RAB4A: variants seen among roughly 807,000 people sequenced by gnomAD.
RAB4A encodes the protein RAB4A, member RAS oncogene family.
In RAB4A, 20 loss-of-function variants were observed where a neutral mutation model predicts 34.5. That is an observed-to-expected ratio of 0.58 (90% CI 0.41 to 0.84). RAB4A has a LOEUF of 0.84. RAB4A is among the 40% of genes least tolerant of loss of function. RAB4A has a pLI of 0.00. For synonymous variants in RAB4A, 102 were observed against 100.0 expected (o/e 1.02, Z -0.12); for missense variants, 228 against 274.5 (o/e 0.83, Z 1.20).
Position 229,297,551 on chromosome 1 carries a change from G to T in RAB4A, c.360G>T (p.Val120=). The change falls in exon 5 of 8, where the codon GTG becomes GTT. Residue 120 remains valine, a synonymous_variant. Transcript: ENST00000366690. The part of the protein sequence containing the change: ...DARMLASQNI[V]IILCGNKKDL... ...GAATGCTAGCGAGCCAGAACATTGT[G>T]ATCATCCTTTGTGGAAACAAGAAGG... is the stretch of plus-strand genomic sequence containing the variant. The T allele has an allele frequency of 6.2e-7, 1 of 1,613,352 alleles. No homozygotes were observed. The highest frequency in any genetic ancestry group is 1.7e-5 in the Admixed American group (1 of 59,592).
At chr1:229,273,068 C>A (rs1385974851) in intron 1 of RAB4A, among the ~76,000 whole-genome samples, 2 of 152,156 alleles carry the variant, frequency 1.3e-5, no homozygotes, top group Admixed American at 1.3e-4. Context: ...CTCTTTAGCC[C>A]AGGCTTAGTT....
In RAB4A at chr1:229,304,770, C is replaced by G. The variant is rs893117015; in HGVS notation, c.*977C>G. 1.4e-4 allele frequency: 22 copies of G among 154,124 alleles called. No homozygotes were observed. Among genetic ancestry groups the G allele is most frequent in the African/African-American group, 5.3e-4 (22 of 41,642 alleles). 9.5% of individuals were successfully genotyped at this position (154,124 alleles called of 1,614,324 possible). ...CAGTTAATATTAAATGGACACCACT[C>G]ATTAAGAAATTTCTTTATGGCTTCT... is the stretch of plus-strand genomic sequence containing the variant. On this transcript the variant is annotated 3_prime_UTR_variant, in exon 8 of 8. Coordinates refer to ENST00000366690, the MANE Select transcript of RAB4A (RefSeq NM_004578.4).
intron 6 of RAB4A, 152 bp from the exon 7 acceptor site, chr1:229,302,710 G>A: frequency 3.7e-6 from 2 of 535,180 alleles, no homozygotes; most frequent in Non-Finnish European, 6.4e-6. Flanking sequence ...TTGTGCCGGT[G>A]CAAGCAAACA....
chr1:229,288,875 G>C, intron 3 of RAB4A, 32 bp downstream of exon 3: 1 of 1,270,984 alleles, frequency 7.9e-7, no homozygotes, highest in South Asian at 1.3e-5. Context: ...AAAAATATTT[G>C]AAAATTTGAT....
At chr1:229,281,816 T>TTATATATATATATATATA (rs61184911) in intron 1 of RAB4A, among the ~76,000 whole-genome samples, 1 of 140,398 alleles carries the variant, frequency 7.1e-6, no homozygotes, top group African/African-American at 2.6e-5. Flanking sequence ...CTTATCATAG[T>TTATATATATATATATATA]TATATATATA....
chr1:229,298,763 G>A (rs1657306763), intron 5 of RAB4A, among the ~76,000 whole-genome samples: 1 of 152,218 alleles, frequency 6.6e-6, no homozygotes, highest in Non-Finnish European at 1.5e-5. Flanking sequence ...GCTAGCACAA[G>A]ATAGCAGTTA....
In RAB4A at chr1:229,279,966, A is replaced by G. The variant is rs573649793; in HGVS notation, c.32-6520A>G. Among the ~76,000 whole-genome samples, 3 of 152,362 alleles carry G rather than the reference A, an allele frequency of 2.0e-5. No individual in the cohort carries two copies. In the East Asian group the frequency reaches 5.8e-4, roughly 29 times the overall value. Reference sequence around the variant, plus strand: ...CAGTTGACACTTAGTTATATAACCTACATAGGCATTTTGCCTTCATTAATT... The same window carrying G: ...CAGTTGACACTTAGTTATATAACCTGCATAGGCATTTTGCCTTCATTAATT... On this transcript the variant is annotated intron_variant, in intron 1 of 7. Coordinates refer to ENST00000366690, the MANE Select transcript of RAB4A (RefSeq NM_004578.4).
intron 6 of RAB4A, among the ~76,000 whole-genome samples, chr1:229,302,441 G>T (rs999831992): frequency 5.4e-5 from 8 of 148,400 alleles, no homozygotes; most frequent in Non-Finnish European, 8.9e-5. Flanking sequence ...CTAGTGATGG[G>T]CTTATTTCAC....
rs528929672 is a variant in RAB4A at position 229,272,504 on chromosome 1, C to T, written c.31+1134C>T. On this transcript the variant is annotated intron_variant, in intron 1 of 7. Transcript: ENST00000366690. ...ATGCAGTATTAATCCAATTGTGATACTAATGAGTGAATAATTAAAAACCAG... is the reference window on the plus strand; with the variant it reads ...ATGCAGTATTAATCCAATTGTGATATTAATGAGTGAATAATTAAAAACCAG... 8.5e-5 allele frequency among the ~76,000 whole-genome samples: 13 copies of T among 152,194 alleles called. No homozygotes were observed. In the South Asian group the frequency reaches 2.5e-3, roughly 29 times the overall value.
chr1:229,285,114 C>T (rs534153968), intron 1 of RAB4A, among the ~76,000 whole-genome samples: 2 of 152,306 alleles, frequency 1.3e-5, no homozygotes, highest in East Asian at 1.9e-4. Flanking sequence ...AGGTGATACA[C>T]CCTCCTCAGT....
intron 1 of RAB4A, among the ~76,000 whole-genome samples, chr1:229,278,941 C>T (rs138855788): frequency 6.6e-5 from 10 of 152,332 alleles, no homozygotes; most frequent in Admixed American, 2.6e-4. Context: ...ATAAGAACTG[C>T]TTCCCCAAAT....
At chr1:229,291,960 C>T (rs886654986) in intron 3 of RAB4A, among the ~76,000 whole-genome samples, 2 of 151,100 alleles carry the variant, frequency 1.3e-5, no homozygotes, top group Non-Finnish European at 2.9e-5. Context: ...AGTAAACTAT[C>T]GCAAGAACAA....
At chr1:229,278,863 T>A (rs1571822423) in intron 1 of RAB4A, among the ~76,000 whole-genome samples, 1 of 152,248 alleles carries the variant, frequency 6.6e-6, no homozygotes, top group Non-Finnish European at 1.5e-5. Context: ...CCAGAGATGC[T>A]GATGATCAGT....
intron 1 of RAB4A, among the ~76,000 whole-genome samples, chr1:229,285,895 A>G (rs1275655419): frequency 1.3e-5 from 2 of 152,386 alleles, no homozygotes; most frequent in East Asian, 1.9e-4. Context: ...TACTATGTGT[A>G]AAGAAGAAGT....
intron 1 of RAB4A, among the ~76,000 whole-genome samples, chr1:229,275,274 G>A (rs980516160): frequency 6.6e-6 from 1 of 152,176 alleles, no homozygotes; most frequent in East Asian, 1.9e-4. Flanking sequence ...TGAGGATGGA[G>A]GCCAAGATTG....
At position 229,271,216 on chromosome 1, in the gene RAB4A, TG is replaced by T; in HGVS notation, c.-120del. 2 of 1,007,010 alleles carry T rather than the reference TG, an allele frequency of 2.0e-6. No homozygotes were observed. The highest frequency in any genetic ancestry group is 2.6e-6 in the Non-Finnish European group (2 of 783,308). 62.4% of individuals were successfully genotyped at this position (1,007,010 alleles called of 1,614,324 possible). A position where few individuals can be genotyped will look rare whatever the true frequency, so the allele number is the denominator to read the frequency against. On this transcript the variant is annotated 5_prime_UTR_variant, in exon 1 of 8. Transcript: ENST00000366690. ...GCCGCTGGGAGACCGGCGGTTGCCG[TG>T]GGGACCGGTCGGGCCCCTCCCTCCT...
intron 6 of RAB4A, 83 bp downstream of exon 6, chr1:229,299,155 A>C (rs1169292579): frequency 2.1e-6 from 2 of 941,692 alleles, no homozygotes; most frequent in East Asian, 5.2e-5. Flanking sequence ...TAATAGTTTC[A>C]GGGTGATTTA....
At chr1:229,295,966 C>T in intron 4 of RAB4A, 56 bp downstream of exon 4, 1 of 1,585,096 alleles carries the variant, frequency 6.3e-7, no homozygotes, top group South Asian at 1.1e-5. Context: ...AGCCCAAAGG[C>T]TGGTCTTGGC....
At chr1:229,302,299 ATATATATATAT>A (rs1250899993) in intron 6 of RAB4A, among the ~76,000 whole-genome samples, 72 of 37,600 alleles carry the variant, frequency 1.9e-3, no homozygotes, top group South Asian at 3.6e-3. Context: ...ATATATATAT[ATATATATATAT>A]TTTTTTTTTT....
Sources: gnomAD v4.1 joint callset for allele counts (sites outside exome capture counted in the v4.1 genomes callset) on GRCh38, gnomAD v4.1.1 for gene constraint, MANE v1.5 for transcripts, NCBI Gene and HGNC (gene_info 2026-07-23, HGNC 2026-07-21) for gene names.